The following OPCML variants were observed in gnomAD, a reference collection of about 807,000 sequenced individuals.
The protein encoded by OPCML is opioid binding protein/cell adhesion molecule like, also known as opioid-binding protein/cell adhesion molecule.
OPCML carries 13 observed loss-of-function variants against 37.8 expected under a neutral mutation model. The ratio of observed to expected loss-of-function variants is 0.34; its 90% CI spans 0.22 to 0.55. OPCML has a LOEUF of 0.55. Ranked by LOEUF, OPCML falls within the 20% of genes least tolerant of loss-of-function variation. The pLI is 0.91. For synonymous variants in OPCML, 176 were observed against 168.8 expected, an observed-to-expected ratio of 1.04 and a Z score of -0.33; for missense variants, 341 against 435.6, an observed-to-expected ratio of 0.78 and a Z score of 1.93.
intron 1 of OPCML, among the ~76,000 whole-genome samples, chr11:133,411,411 C>T (rs1186438325): frequency 6.6e-6 from 1 of 152,134 alleles, no homozygotes; most frequent in Admixed American, 6.5e-5. Context: ...AAATGCCTTC[C>T]CCTAACAGAA....
At chr11:132,772,336 G>A (rs1946668312) in intron 2 of OPCML, 1 of 152,134 alleles carries the variant, frequency 6.6e-6, no homozygotes, top group African/African-American at 2.4e-5. Context: ...CACCAAAATG[G>A]TCCCGTGCAC....
chr11:133,513,475 T>C (rs1948201257), intron 1 of OPCML, among the ~76,000 whole-genome samples: 1 of 152,332 alleles, frequency 6.6e-6, no homozygotes, highest in Middle Eastern at 3.4e-3. Flanking sequence ...AATGCAATTC[T>C]CATCCTTTAA....
At chr11:132,812,148 A>G (rs150669702) in intron 2 of OPCML, among the ~76,000 whole-genome samples, 2,434 of 152,232 alleles carry the variant, frequency 0.016, 27 homozygotes, top group Middle Eastern at 0.027. Context: ...TAAGGACTAA[A>G]TGGGACAGGG....
chr11:133,366,651 CA>C (rs531489809), intron 1 of OPCML, among the ~76,000 whole-genome samples: 12 of 150,572 alleles, frequency 8.0e-5, no homozygotes, highest in East Asian at 3.9e-4. Context: ...GAATTAATCT[CA>C]AAAAAAAAGA....
intron 1 of OPCML, among the ~76,000 whole-genome samples, chr11:133,114,266 C>A (rs1411870289): frequency 1.3e-5 from 2 of 152,172 alleles, no homozygotes; most frequent in African/African-American, 4.8e-5. Context: ...CAGCCTGCTC[C>A]TTCTATGGTC....
At chr11:133,274,672 C>T (rs1017199369) in intron 1 of OPCML, among the ~76,000 whole-genome samples, 5 of 152,164 alleles carry the variant, frequency 3.3e-5, no homozygotes, top group Non-Finnish European at 5.9e-5. Context: ...GGGGAGGGTG[C>T]GTGACTAAAG....
At chr11:132,993,830 G>A (rs1351334647) in intron 1 of OPCML, among the ~76,000 whole-genome samples, 1 of 152,008 alleles carries the variant, frequency 6.6e-6, no homozygotes, top group Non-Finnish European at 1.5e-5. Context: ...CCCCACCCCG[G>A]AATCTGAGGC....
intron 1 of OPCML, among the ~76,000 whole-genome samples, chr11:133,354,020 T>C (rs534106597): frequency 6.6e-6 from 1 of 152,292 alleles, no homozygotes; most frequent in African/African-American, 2.4e-5. Flanking sequence ...GCTGCTATTC[T>C]ATCAAAGTAA....
At chr11:133,305,959 C>T (rs1375624406) in intron 1 of OPCML, among the ~76,000 whole-genome samples, 1 of 152,174 alleles carries the variant, frequency 6.6e-6, no homozygotes, top group Non-Finnish European at 1.5e-5. Flanking sequence ...ATAATAAGGA[C>T]CTTCACATCG....
intron 1 of OPCML, among the ~76,000 whole-genome samples, chr11:133,409,365 T>C (rs1267965868): frequency 6.6e-6 from 1 of 152,234 alleles, no homozygotes; most frequent in East Asian, 1.9e-4. Context: ...AATAATGTGG[T>C]TAGAGGAAAA....
chr11:133,333,013 C>T (rs1943655774), intron 1 of OPCML, among the ~76,000 whole-genome samples: 1 of 152,168 alleles, frequency 6.6e-6, no homozygotes, highest in Admixed American at 6.5e-5. Flanking sequence ...AGCATATCCA[C>T]AACTATCTAA....
chr11:133,153,385 C>T (rs1372157475), intron 1 of OPCML, among the ~76,000 whole-genome samples: 2 of 152,192 alleles, frequency 1.3e-5, no homozygotes, highest in Non-Finnish European at 2.9e-5. Flanking sequence ...CCCAGCTGCT[C>T]AAATGGTAGG....
intron 1 of OPCML, among the ~76,000 whole-genome samples, chr11:133,134,819 C>T (rs1232293097): frequency 6.6e-6 from 1 of 152,148 alleles, no homozygotes; most frequent in African/African-American, 2.4e-5. Context: ...CTCCCTGCAC[C>T]CCAGCTACAA....
chr11:133,344,383 G>C (rs973042870), intron 1 of OPCML, among the ~76,000 whole-genome samples: 3 of 152,062 alleles, frequency 2.0e-5, no homozygotes, highest in African/African-American at 7.2e-5. Flanking sequence ...ACCTACTCTT[G>C]GCTACCTAAT....
intron 2 of OPCML, among the ~76,000 whole-genome samples, chr11:132,815,096 C>T (rs1314145312): frequency 1.3e-5 from 2 of 152,146 alleles, no homozygotes; most frequent in African/African-American, 2.4e-5. Context: ...AAGTTGAAGC[C>T]TTTGCCCCAC....
Position 132,948,028 on chromosome 11 carries a change from A to G in OPCML, c.62-5018T>C, listed in dbSNP as rs7929714. ...CAACCTATACTACTTTTGAAGTTAT[A>G]TTGTCTGTTCAGATGCTGACTTGTC... On this transcript the variant is annotated intron_variant, in intron 1 of 7. Transcript: ENST00000524381. Among the ~76,000 whole-genome samples, 1,220 of 152,286 alleles carry G rather than the reference A, an allele frequency of 8.0e-3. 16 individuals are homozygous for G. The highest frequency in any genetic ancestry group is 0.028 in the African/African-American group (1,162 of 41,552).
chr11:133,444,493 T>G (rs1000056657), intron 1 of OPCML, among the ~76,000 whole-genome samples: 18 of 152,180 alleles, frequency 1.2e-4, no homozygotes, highest in South Asian at 2.1e-4. Flanking sequence ...GAAAAAATGT[T>G]AGAAGAAGAT....
At chr11:132,589,479 A>T (rs1196714327) in intron 3 of OPCML, among the ~76,000 whole-genome samples, 1 of 152,250 alleles carries the variant, frequency 6.6e-6, no homozygotes. Flanking sequence ...ACAAACAAGT[A>T]AGTGAATGAA....
intron 1 of OPCML, among the ~76,000 whole-genome samples, chr11:133,102,619 A>G (rs1005504652): frequency 1.3e-5 from 2 of 152,052 alleles, no homozygotes; most frequent in African/African-American, 4.8e-5. Context: ...GCGTGGTGGC[A>G]GGTGCCTGTA....
Sources: allele counts gnomAD v4.1 joint callset (sites outside exome capture counted in the v4.1 genomes callset), GRCh38; gene constraint gnomAD v4.1.1; transcripts MANE v1.5; gene names NCBI Gene and HGNC (gene_info 2026-07-23, HGNC 2026-07-21).